Variants in DARS2 observed in about 807,000 individuals in gnomAD.
DARS2 encodes the protein aspartyl-tRNA synthetase 2, mitochondrial.
In DARS2, 63 loss-of-function variants were observed where a neutral mutation model predicts 83.0. The observed-to-expected ratio is 0.76, with a 90% CI of 0.62 to 0.94. The LOEUF (loss-of-function observed/expected upper bound fraction) is 0.94. Among genes scored for constraint, DARS2 ranks in the 40% least tolerant of loss-of-function variants. The probability of loss-of-function intolerance (pLI) is 0.00; values close to 1 mark genes in which losing one functional copy is unlikely to be tolerated. For synonymous variants in DARS2, 250 were observed against 269.3 expected (o/e 0.93, Z 0.70); for missense variants, 675 against 774.4 (o/e 0.87, Z 1.52).
Position 173,825,286 on chromosome 1 carries a change from A to G in DARS2, c.57A>G (p.Arg19=). 6.2e-7 allele frequency: 1 copy of G among 1,613,756 alleles called. No individual in the cohort carries two copies. The change falls in exon 1 of 17, where the codon AGA becomes AGG. Residue 19 remains arginine, a synonymous_variant. Coordinates refer to ENST00000649689, the MANE Select transcript of DARS2 (RefSeq NM_018122.5). ...ACAGGGGTTTATCCAGACCCATCAGAAGGACCACCCAACCGATCTGGGGTT... is the reference window on the plus strand; with the variant it reads ...ACAGGGGTTTATCCAGACCCATCAGGAGGACCACCCAACCGATCTGGGGTT... ...QLYRGLSRPI[R]RTTQPIWGSL...
intron 1 of DARS2, among the ~76,000 whole-genome samples, chr1:173,825,721 C>T (rs1652495676): frequency 6.6e-6 from 1 of 150,830 alleles, no homozygotes; most frequent in African/African-American, 2.4e-5. Context: ...CACCCGCCTC[C>T]GCCTCCCATA....
In DARS2 at chr1:173,831,749, G is replaced by C. The variant is rs540960042; in HGVS notation, c.492+119G>C. ...CTACAAAATTAAGCATTTTATTGTA[G>C]ACACATCATGAAGTGTTCTCTTAGT... On this transcript the variant is annotated intron_variant, in intron 5 of 16. Transcript: ENST00000649689. 235 of 793,252 alleles carry C rather than the reference G, an allele frequency of 3.0e-4. 1 individual carries two copies. The African/African-American group carries it at 4.0e-3, about 13-fold the overall frequency. 49.1% of individuals were successfully genotyped at this position (793,252 alleles called of 1,614,324 possible). A position where few individuals can be genotyped will look rare whatever the true frequency, so the allele number is the denominator to read the frequency against.
intron 12 of DARS2, among the ~76,000 whole-genome samples, chr1:173,847,207 T>G (rs1653469373): frequency 6.6e-6 from 1 of 152,150 alleles, no homozygotes; most frequent in African/African-American, 2.4e-5. Context: ...TTAAACAAAT[T>G]TAAAGAACTA....
At chr1:173,833,626 G>A (rs1178344044) in intron 6 of DARS2, 127 bp downstream of exon 6, 2 of 1,073,090 alleles carry the variant, frequency 1.9e-6, no homozygotes, top group East Asian at 4.8e-5. Flanking sequence ...TTCACTCAAT[G>A]TGTAATGTAG....
chr1:173,853,771 A>G (rs1653761974), intron 14 of DARS2, 24 bp from the exon 15 acceptor site: 1 of 1,602,702 alleles, frequency 6.2e-7, no homozygotes, highest in Non-Finnish European at 8.5e-7. Flanking sequence ...TTTCTCTAAC[A>G]TAAAGTATCT....
At chr1:173,834,767 TGG>T (rs1288010254) in intron 7 of DARS2, among the ~76,000 whole-genome samples, 32 of 88,784 alleles carry the variant, frequency 3.6e-4, no homozygotes, top group African/African-American at 4.7e-4. Flanking sequence ...TGGTTTGTTT[TGG>T]GTTTTTTTTT....
Position 173,839,453 on chromosome 1 carries a change from A to G in DARS2, c.927A>G (p.Lys309=). Residue 309 remains lysine (K), a synonymous_variant, in exon 10 of 17, where the codon AAA becomes AAG. Transcript: ENST00000649689. ...TCCAGTATTCCTGGCCCAATGACAA[A>G]GATCCTGTGGTTGTTCCTTTTCCTA... ...GLLQYSWPND[K]DPVVVPFPTM... The G allele has an allele frequency of 6.2e-7, 1 of 1,614,160 alleles. No homozygotes were observed. The highest frequency in any genetic ancestry group is 8.5e-7 in the Non-Finnish European group (1 of 1,180,016).
At chr1:173,852,067 G>C in intron 13 of DARS2, 1 of 985,370 alleles carries the variant, frequency 1.0e-6, no homozygotes, top group African/African-American at 1.7e-5. Flanking sequence ...TTCCTACAAG[G>C]CCTTCCTTGA....
intron 11 of DARS2, among the ~76,000 whole-genome samples, chr1:173,843,346 G>C (rs536148141): frequency 6.6e-6 from 1 of 152,094 alleles, no homozygotes; most frequent in African/African-American, 2.4e-5. Flanking sequence ...GGATCACGAG[G>C]TCAGGAGTTC....
In DARS2 at chr1:173,825,024, C is replaced by T. The variant is rs1652417387; in HGVS notation, c.-206C>T. 1.7e-6 allele frequency: 1 copy of T among 574,304 alleles called. No homozygotes were observed. Among genetic ancestry groups the T allele is most frequent in the Non-Finnish European group, 3.0e-6 (1 of 333,856 alleles). The allele number at this position is 574,304 out of a possible 1,614,324, so 35.6% of individuals were successfully genotyped here. On this transcript the variant is annotated 5_prime_UTR_variant, in exon 1 of 17. Coordinates refer to ENST00000649689, the MANE Select transcript of DARS2 (RefSeq NM_018122.5). ...GGAGAGGTCTTTCCCTTATCTCCAC[C>T]CCAGCAAGCACCCCAGAGACCTTGG...
intron 13 of DARS2, among the ~76,000 whole-genome samples, chr1:173,852,902 A>C (rs1653726300): frequency 6.6e-6 from 1 of 152,102 alleles, no homozygotes; most frequent in African/African-American, 2.4e-5. Context: ...CCTCACCACA[A>C]CCCTTCAAGA....
At chr1:173,827,159 T>C (rs1202411122) in intron 2 of DARS2, among the ~76,000 whole-genome samples, 1 of 152,124 alleles carries the variant, frequency 6.6e-6, no homozygotes, top group Non-Finnish European at 1.5e-5. Flanking sequence ...TCCAATAGCA[T>C]GGGGGAAAAG....
intron 11 of DARS2, among the ~76,000 whole-genome samples, chr1:173,841,375 T>G (rs1311296210): frequency 2.6e-5 from 4 of 151,060 alleles, no homozygotes; most frequent in African/African-American, 9.7e-5. Context: ...AAAACTGTGT[T>G]TGAAAAAAAA....
At chr1:173,828,590 C>T (rs574749199) in intron 3 of DARS2, among the ~76,000 whole-genome samples, 191 bp downstream of exon 3, 25 of 151,980 alleles carry the variant, frequency 1.6e-4, no homozygotes, top group African/African-American at 4.3e-4. Flanking sequence ...ACCCAGGATA[C>T]GAACAAAAAA....
intron 11 of DARS2, 73 bp from the exon 12 acceptor site, chr1:173,845,156 A>G (rs1653385538): frequency 2.2e-6 from 2 of 914,826 alleles, no homozygotes; most frequent in African/African-American, 1.6e-5. Flanking sequence ...TATATTTGTC[A>G]TTTGATCGCA....
chr1:173,850,605 C>A, intron 13 of DARS2, 126 bp downstream of exon 13: 48 of 689,066 alleles, frequency 7.0e-5, no homozygotes, highest in Non-Finnish European at 9.4e-5. Flanking sequence ...CTGCATAAAT[C>A]TTTTTTTTTT....
In DARS2 at chr1:173,853,929, TG is replaced by T. The variant is rs756303742; in HGVS notation, c.1674+27del. 4 of 1,568,438 alleles carry T rather than the reference TG, an allele frequency of 2.6e-6. No homozygotes were observed. In the Admixed American group the frequency reaches 6.7e-5, roughly 26 times the overall value. On this transcript the variant is annotated intron_variant, in intron 15 of 16. Coordinates refer to ENST00000649689, the MANE Select transcript of DARS2 (RefSeq NM_018122.5). ...AGGTAACAAACATCATCTGCTATCC[TG>T]GGCTTATTTTTTTACCAGAATATTT... is the stretch of plus-strand genomic sequence containing the variant.
intron 2 of DARS2, 38 bp downstream of exon 2, chr1:173,826,824 G>A: frequency 1.4e-6 from 2 of 1,448,520 alleles, no homozygotes; most frequent in East Asian, 2.3e-5. Flanking sequence ...GCATGGTGGT[G>A]GTTTTCCCAG....
Position 173,853,331 on chromosome 1 carries a change from T to A in DARS2, c.1345-18T>A, listed in dbSNP as rs571769922. ...TCTGTCAAGAAGTTAACTCAATGTT[T>A]ACGTCTTCTGTTTGCAGTGCTCTTT... On this transcript the variant is annotated intron_variant, in intron 13 of 16. Transcript: ENST00000649689. The A allele has an allele frequency of 1.2e-5, 19 of 1,610,018 alleles. No individual in the cohort carries two copies. The African/African-American group carries it at 2.0e-4, about 17-fold the overall frequency.
Sources: allele counts gnomAD v4.1 joint callset (sites outside exome capture counted in the v4.1 genomes callset), GRCh38; gene constraint gnomAD v4.1.1; transcripts MANE v1.5; gene names NCBI Gene and HGNC (gene_info 2026-07-23, HGNC 2026-07-21).